The following GYG2 variants were observed in gnomAD, a reference collection of about 807,000 sequenced individuals.
GYG2 encodes glycogenin-2.
GYG2 carries 29 observed loss-of-function variants against 29.4 expected under a neutral mutation model. That is an observed-to-expected ratio of 0.99 (90% CI 0.74 to 1.35). The LOEUF is 1.35. Ranked by LOEUF, GYG2 falls within the 40% of genes most tolerant of loss-of-function variation. The probability of loss-of-function intolerance (pLI) is 0.00; values close to 1 mark genes in which losing one functional copy is unlikely to be tolerated. For synonymous variants in GYG2, 167 were observed against 172.3 expected (o/e 0.97, Z 0.24); for missense variants, 370 against 385.7 (o/e 0.96, Z 0.34).
At chrX:2,875,533 T>C (rs1249714223) in intron 8 of GYG2, among the ~76,000 whole-genome samples, 2 of 100,633 alleles carry the variant, frequency 2.0e-5, no homozygotes, top group Admixed American at 1.1e-4. Flanking sequence ...TTCACTCACA[T>C]CACCTCCTCA....
chrX:2,878,899 C>T (rs1008176941), intron 10 of GYG2, among the ~76,000 whole-genome samples: 10 of 112,081 alleles, frequency 8.9e-5, no homozygotes, highest in East Asian at 2.8e-4. Context: ...GTCTTGAAAA[C>T]TAGTATAAGG....
chrX:2,829,935 G>T (rs2087223834), intron 1 of GYG2, 126 bp from the exon 2 acceptor site: 4 of 403,842 alleles, frequency 9.9e-6, no homozygotes, highest in Admixed American at 4.3e-5. Flanking sequence ...CGTGGAGGTC[G>T]CAGGGGCATC....
At position 2,831,522 on chromosome X, in the gene GYG2, G is replaced by A. The variant is rs182744430; in HGVS notation, c.7+1327G>A. On this transcript the variant is annotated intron_variant, in intron 2 of 10. Coordinates refer to ENST00000398806, the MANE Select transcript of GYG2 (RefSeq NM_001079855.2). ...GGGATCTTAAGGGCTGTTTTCATGA[G>A]GTGTACTGGAAGAGTCTGTTCCAAG... is the stretch of plus-strand genomic sequence containing the variant. Among the ~76,000 whole-genome samples the A allele has an allele frequency of 6.3e-5, 7 of 111,917 alleles. No homozygotes were observed. The East Asian group carries it at 2.0e-3, about 32-fold the overall frequency.
chrX:2,875,688 C>T lies in GYG2; in HGVS notation c.1039-122C>T, dbSNP rs751980716. 52 of 498,245 alleles carry T rather than the reference C, an allele frequency of 1.0e-4. 1 individual carries two copies. Among genetic ancestry groups the T allele is most frequent in the Non-Finnish European group, 1.7e-4 (50 of 286,625 alleles). 41.1% of individuals were successfully genotyped at this position (498,245 alleles called of 1,213,427 possible). ...GCATATCACCTTGCCCCAGTCCTAT[C>T]CCATATCAAGTTGTATTTGCACCAT... On this transcript the variant is annotated intron_variant, in intron 8 of 10. Transcript: ENST00000398806.
intron 8 of GYG2, among the ~76,000 whole-genome samples, chrX:2,870,994 AC>A (rs751797092): frequency 1.9e-3 from 147 of 78,471 alleles, no homozygotes; most frequent in African/African-American, 5.2e-3. Context: ...TATTATCATA[AC>A]CCAAAGAGGA....
chrX:2,864,577 G>A (rs773261579), intron 8 of GYG2, among the ~76,000 whole-genome samples: 57 of 110,084 alleles, frequency 5.2e-4, no homozygotes, highest in Non-Finnish European at 9.5e-4. Context: ...AGACTCTATT[G>A]AGTCCTCAGA....
chrX:2,839,217 C>T (rs2087444376), intron 2 of GYG2, among the ~76,000 whole-genome samples: 1 of 111,000 alleles, frequency 9.0e-6, no homozygotes, highest in South Asian at 3.8e-4. Flanking sequence ...TGATTTTGCC[C>T]CTGGTGATGG....
intron 8 of GYG2, among the ~76,000 whole-genome samples, chrX:2,869,243 G>A (rs1053288347): frequency 4.5e-5 from 5 of 112,342 alleles, no homozygotes; most frequent in Admixed American, 1.9e-4. Context: ...TAATAGGTAT[G>A]GTAATTAACC....
intron 6 of GYG2, among the ~76,000 whole-genome samples, chrX:2,859,039 C>T (rs2088090923): frequency 9.0e-6 from 1 of 110,884 alleles, no homozygotes; most frequent in African/African-American, 3.3e-5. Context: ...CAATGGATTA[C>T]GATTATGTTT....
intron 10 of GYG2, among the ~76,000 whole-genome samples, chrX:2,879,713 GTAGA>G (rs1460008433): frequency 5.4e-4 from 61 of 112,385 alleles, no homozygotes; most frequent in Admixed American, 1.6e-3. Context: ...TGATAGATAG[GTAGA>G]TAGGTAGAGA....
intron 2 of GYG2, among the ~76,000 whole-genome samples, chrX:2,836,759 G>C (rs1372846882): frequency 1.8e-5 from 2 of 109,095 alleles, no homozygotes; most frequent in African/African-American, 6.7e-5. Context: ...GATTGCCTGA[G>C]CCCAGGAGTT....
intron 3 of GYG2, among the ~76,000 whole-genome samples, chrX:2,853,328 G>C (rs1309950082): frequency 9.1e-6 from 1 of 110,188 alleles, no homozygotes; most frequent in Non-Finnish European, 1.9e-5. Context: ...CTCCTGCTTC[G>C]GCCTCCTGAG....
intron 3 of GYG2, 65 bp downstream of exon 3, chrX:2,843,419 A>T (rs2087551116): frequency 2.2e-6 from 2 of 899,657 alleles, no homozygotes; most frequent in Non-Finnish European, 3.1e-6. Flanking sequence ...CCTCTCCCCT[A>T]AGAGGTCCTA....
chrX:2,844,869 T>A, intron 3 of GYG2, among the ~76,000 whole-genome samples: 1 of 107,677 alleles, frequency 9.3e-6, no homozygotes, highest in Non-Finnish European at 1.9e-5. Context: ...TGTACAGGTA[T>A]GCGTATATAC....
intron 3 of GYG2, among the ~76,000 whole-genome samples, chrX:2,852,189 C>T (rs1389281293): frequency 1.8e-5 from 2 of 111,797 alleles, no homozygotes; most frequent in African/African-American, 6.5e-5. Flanking sequence ...CCCAGGAGTT[C>T]GAGGCTGCAA....
chrX:2,864,993 A>C (rs1161335217), intron 8 of GYG2, among the ~76,000 whole-genome samples: 2 of 111,343 alleles, frequency 1.8e-5, no homozygotes, highest in African/African-American at 6.5e-5. Context: ...TCCTGGCTTC[A>C]AGTGATCCAC....
rs759286321 is a variant in GYG2, at chrX:2,844,558, G to GTA, written c.149+1208_149+1209dup. On this transcript the variant is annotated intron_variant, in intron 3 of 10. Coordinates refer to ENST00000398806, the MANE Select transcript of GYG2 (RefSeq NM_001079855.2). ...TATATGTGTATACGCACACGCATGC[G>GTA]TATATGTGTATACGCACACGCATGC... Among the ~76,000 whole-genome samples, 163 of 78,227 alleles carry GTA rather than the reference G, an allele frequency of 2.1e-3. 22 individuals carry two copies. The highest frequency in any genetic ancestry group is 9.9e-3 in the Admixed American group (67 of 6,766). 67.9% of individuals were successfully genotyped at this position (78,227 alleles called of 115,157 possible).
At position 2,882,556 on chromosome X, in the gene GYG2, TTAA is replaced by T. The variant is rs1187005884; in HGVS notation, c.*1348_*1350del. The T allele has an allele frequency of 3.6e-5, 4 of 109,935 alleles. No individual in the cohort carries two copies. Among genetic ancestry groups the T allele is most frequent in the African/African-American group, 1.3e-4 (4 of 30,121 alleles). 9.1% of individuals were successfully genotyped at this position (109,935 alleles called of 1,213,427 possible). ...GCTGTTTCTTTTTCCGTGTGGGTGG[TTAA>T]TAATCGTCAGTCTCGGAGGGCGAGG... is the stretch of plus-strand genomic sequence containing the variant. On this transcript the variant is annotated 3_prime_UTR_variant, in exon 11 of 11. Coordinates refer to ENST00000398806, the MANE Select transcript of GYG2 (RefSeq NM_001079855.2).
intron 2 of GYG2, among the ~76,000 whole-genome samples, chrX:2,832,685 C>T (rs2087292331): frequency 8.9e-6 from 1 of 111,821 alleles, no homozygotes; most frequent in African/African-American, 3.3e-5. Context: ...CAGGTGCCCG[C>T]CCCCATGCCC....
Sources: gnomAD v4.1 joint callset for allele counts (sites outside exome capture counted in the v4.1 genomes callset) on GRCh38, gnomAD v4.1.1 for gene constraint, MANE v1.5 for transcripts, NCBI Gene and HGNC (gene_info 2026-07-23, HGNC 2026-07-21) for gene names.